LRRC4C: variants seen among roughly 807,000 people sequenced by gnomAD.
The protein encoded by LRRC4C is leucine-rich repeat-containing protein 4C.
A neutral mutation model predicts 33.6 loss-of-function variants in LRRC4C; 5 were observed. That is an observed-to-expected ratio of 0.15 (90% CI 0.08 to 0.31). LRRC4C has a LOEUF of 0.31. Among genes scored for constraint, LRRC4C ranks in the 10% least tolerant of loss-of-function variants. The pLI is 1.00. For missense variants in LRRC4C, 560 were observed against 796.7 expected (o/e 0.70, Z 3.58); for synonymous variants, 329 against 302.0 (o/e 1.09, Z -0.93).
intron 3 of LRRC4C, among the ~76,000 whole-genome samples, chr11:40,429,293 C>G (rs544754934): frequency 1.3e-5 from 2 of 152,074 alleles, no homozygotes; most frequent in Non-Finnish European, 2.9e-5. Context: ...AGGCTAGTCT[C>G]GAATTCCTGA....
At chr11:40,640,458 G>A (rs1942038751) in intron 3 of LRRC4C, among the ~76,000 whole-genome samples, 1 of 151,588 alleles carries the variant, frequency 6.6e-6, no homozygotes, top group Non-Finnish European at 1.5e-5. Flanking sequence ...TTCTTCAAGG[G>A]GTGAAGCTTT....
At chr11:40,745,324 A>C (rs1948364480) in intron 2 of LRRC4C, among the ~76,000 whole-genome samples, 1 of 152,184 alleles carries the variant, frequency 6.6e-6, no homozygotes, top group African/African-American at 2.4e-5. Flanking sequence ...AAGGGGATTG[A>C]GTGGTTTTCA....
In LRRC4C at chr11:40,926,387, A is replaced by G. The variant is rs568272794; in HGVS notation, c.-407+7248T>C. Among the ~76,000 whole-genome samples the G allele has an allele frequency of 2.0e-5, 3 of 152,314 alleles. No homozygotes were observed. The South Asian group carries it at 6.2e-4, about 32-fold the overall frequency. On this transcript the variant is annotated intron_variant, in intron 2 of 6. Transcript: ENST00000528697. ...ATTCGACAATAAATGTTTGAAAATG[A>G]TTAATGCTCATTAATGATGAAAAAA...
At chr11:41,192,889 A>G (rs1946022140) in intron 1 of LRRC4C, among the ~76,000 whole-genome samples, 1 of 152,138 alleles carries the variant, frequency 6.6e-6, no homozygotes, top group Admixed American at 6.5e-5. Flanking sequence ...GGCAGCCCAT[A>G]AGTCCCGAGA....
intron 1 of LRRC4C, among the ~76,000 whole-genome samples, chr11:41,258,900 T>G (rs949516732): frequency 2.0e-5 from 3 of 151,998 alleles, no homozygotes; most frequent in African/African-American, 7.2e-5. Flanking sequence ...ATCCCCACTG[T>G]TTCTAGTACA....
intron 1 of LRRC4C, among the ~76,000 whole-genome samples, chr11:41,311,169 C>T (rs753695292): frequency 6.6e-6 from 1 of 152,212 alleles, no homozygotes; most frequent in African/African-American, 2.4e-5. Context: ...GGCAGTGAAG[C>T]TATGCCGTGC....
At chr11:41,434,711 C>T (rs1224941928) in intron 1 of LRRC4C, among the ~76,000 whole-genome samples, 9 of 152,098 alleles carry the variant, frequency 5.9e-5, no homozygotes, top group African/African-American at 1.7e-4. Context: ...GTGTCAGTTT[C>T]GGTAAGCAAG....
intron 2 of LRRC4C, among the ~76,000 whole-genome samples, chr11:40,856,339 G>A (rs1442395450): frequency 2.6e-5 from 4 of 152,146 alleles, no homozygotes; most frequent in African/African-American, 4.8e-5. Flanking sequence ...GTCCATTTCA[G>A]AGCCTTACCT....
chr11:41,196,585 T>C (rs193067095), intron 1 of LRRC4C, among the ~76,000 whole-genome samples: 2 of 152,174 alleles, frequency 1.3e-5, no homozygotes, highest in East Asian at 1.9e-4. Flanking sequence ...AGATATTAAT[T>C]TGGGCAGTTC....
chr11:40,296,233 C>T (rs766950107), intron 4 of LRRC4C, among the ~76,000 whole-genome samples: 3 of 152,112 alleles, frequency 2.0e-5, no homozygotes, highest in Non-Finnish European at 2.9e-5. Flanking sequence ...TATCTTTACC[C>T]ACATCATTGA....
At chr11:41,067,382 A>G (rs192775974) in intron 1 of LRRC4C, among the ~76,000 whole-genome samples, 67 of 152,356 alleles carry the variant, frequency 4.4e-4, no homozygotes, top group Non-Finnish European at 8.7e-4. Flanking sequence ...CTAAATATAT[A>G]TGCACTCAAT....
At chr11:41,449,382 G>T (rs770146668) in intron 1 of LRRC4C, among the ~76,000 whole-genome samples, 16 of 152,220 alleles carry the variant, frequency 1.1e-4, no homozygotes, top group African/African-American at 2.4e-4. Context: ...AAATGTCAAA[G>T]ATAGGAGGTG....
chr11:41,366,102 A>G (rs1308845390), intron 1 of LRRC4C, among the ~76,000 whole-genome samples: 1 of 152,108 alleles, frequency 6.6e-6, no homozygotes, highest in Non-Finnish European at 1.5e-5. Context: ...ACTAGCTGGT[A>G]GAAATATTTG....
At chr11:41,172,957 G>A (rs914815312) in intron 1 of LRRC4C, among the ~76,000 whole-genome samples, 2 of 152,018 alleles carry the variant, frequency 1.3e-5, no homozygotes, top group Non-Finnish European at 2.9e-5. Context: ...CTAAAATTCC[G>A]AGATGGGTCC....
intron 2 of LRRC4C, among the ~76,000 whole-genome samples, chr11:40,823,574 A>G (rs1340317690): frequency 4.6e-5 from 7 of 151,828 alleles, no homozygotes; most frequent in Non-Finnish European, 1.0e-4. Flanking sequence ...AGATATATGA[A>G]TAGCTAATTG....
intron 1 of LRRC4C, among the ~76,000 whole-genome samples, chr11:41,363,300 C>T (rs1037161): frequency 0.39 from 58,914 of 152,050 alleles, 13,094 homozygotes; most frequent in Non-Finnish European, 0.49. Flanking sequence ...TACAGAAAAA[C>T]ATAGGTTACT....
chr11:40,469,059 G>A (rs1952793267), intron 3 of LRRC4C, among the ~76,000 whole-genome samples: 1 of 152,238 alleles, frequency 6.6e-6, no homozygotes, highest in Admixed American at 6.5e-5. Flanking sequence ...AGGCACTTAT[G>A]TGTACTGGGG....
At chr11:40,665,337 T>TATAC (rs1943722587) in intron 2 of LRRC4C, among the ~76,000 whole-genome samples, 1 of 10,280 alleles carries the variant, frequency 9.7e-5, no homozygotes, top group Non-Finnish European at 2.3e-4. Context: ...TATATATATA[T>TATAC]ATATATATAT....
chr11:40,580,079 G>T (rs1958400267), intron 3 of LRRC4C, among the ~76,000 whole-genome samples: 2 of 151,488 alleles, frequency 1.3e-5, no homozygotes, highest in Non-Finnish European at 2.9e-5. Flanking sequence ...GTGTGTGTGT[G>T]TGTGTGTGCC....
Sources: allele counts gnomAD v4.1 joint callset (sites outside exome capture counted in the v4.1 genomes callset), GRCh38; gene constraint gnomAD v4.1.1; transcripts MANE v1.5; gene names NCBI Gene and HGNC (gene_info 2026-07-23, HGNC 2026-07-21).